The following CCNT1 variants were observed in gnomAD, a reference collection of about 807,000 sequenced individuals.
CCNT1 encodes the protein cyclin T1.
CCNT1 carries 18 observed loss-of-function variants against 67.3 expected under a neutral mutation model. That is an observed-to-expected ratio of 0.27 (90% CI 0.18 to 0.40). The LOEUF is 0.40. Among genes scored for constraint, CCNT1 ranks in the 10% least tolerant of loss-of-function variants. CCNT1 has a pLI of 1.00. For synonymous variants in CCNT1, 333 were observed against 310.3 expected (o/e 1.07, Z -0.77); for missense variants, 744 against 884.9 (o/e 0.84, Z 2.02).
chr12:48,711,629 T>C (rs564692415), intron 2 of CCNT1, among the ~76,000 whole-genome samples: 31 of 152,254 alleles, frequency 2.0e-4, no homozygotes, highest in Middle Eastern at 3.4e-3. Context: ...CCTTCTATTC[T>C]GGTGCTATCA....
chr12:48,696,900 T>A (rs1940176513), intron 6 of CCNT1, among the ~76,000 whole-genome samples: 1 of 152,138 alleles, frequency 6.6e-6, no homozygotes, highest in Non-Finnish European at 1.5e-5. Flanking sequence ...TGGGGCAATC[T>A]CGGCTCACAG....
chr12:48,700,633 T>C (rs1007075800), intron 4 of CCNT1, among the ~76,000 whole-genome samples: 1 of 152,224 alleles, frequency 6.6e-6, no homozygotes, highest in Non-Finnish European at 1.5e-5. Context: ...CCACTTTCAC[T>C]CTGCTGTTCT....
chr12:48,691,759 C>G lies in CCNT1; in HGVS notation c.*1274G>C, dbSNP rs1336094920. 6.6e-6 allele frequency: 1 copy of G among 152,174 alleles called. No individual in the cohort carries two copies. The highest frequency in any genetic ancestry group is 1.5e-5 in the Non-Finnish European group (1 of 68,030). The allele number at this position is 152,174 out of a possible 1,614,324, so 9.4% of individuals were successfully genotyped here. ...ACCAGTACTGTTAAATTCACAAGCT[C>G]CAATCTCAAGTCATATAGGCTGCAA... On this transcript the variant is annotated 3_prime_UTR_variant, in exon 9 of 9. Transcript: ENST00000261900.
chr12:48,702,474 T>G (rs1026830129), intron 3 of CCNT1, among the ~76,000 whole-genome samples: 80 of 152,274 alleles, frequency 5.3e-4, no homozygotes, highest in Admixed American at 5.1e-3. Context: ...ATACACTGGA[T>G]TTTTTAGACA....
At chr12:48,705,449 T>A (rs977020207) in intron 3 of CCNT1, among the ~76,000 whole-genome samples, 1 of 151,892 alleles carries the variant, frequency 6.6e-6, no homozygotes, top group African/African-American at 2.4e-5. Context: ...TTCTTTTTTT[T>A]AAATATAGAG....
At chr12:48,706,853 A>T (rs76146950) in intron 2 of CCNT1, among the ~76,000 whole-genome samples, 2,701 of 152,278 alleles carry the variant, frequency 0.018, 89 homozygotes, top group African/African-American at 0.062. Context: ...TTCTCCACAA[A>T]TTCAACTCAT....
In CCNT1 at chr12:48,701,010, T is replaced by C. The variant is rs1221708675; in HGVS notation, c.433+3A>G. ...AAAATGTTTCAAAGGAAAATAAACT[T>C]ACCTAAAGTCTGCAAAATTATGCTT... On this transcript the variant is annotated splice_donor_region_variant and intron_variant, in intron 4 of 8. Transcript: ENST00000261900. The C allele has an allele frequency of 6.5e-7, 1 of 1,531,358 alleles. No individual in the cohort carries two copies. Among genetic ancestry groups the C allele is most frequent in the Non-Finnish European group, 8.9e-7 (1 of 1,119,420 alleles). The allele number at this position is 1,531,358 out of a possible 1,614,324, so 94.9% of individuals were successfully genotyped here. A position where few individuals can be genotyped will look rare whatever the true frequency, so the allele number is the denominator to read the frequency against.
chr12:48,692,993 T>C lies in CCNT1; in HGVS notation c.*40A>G. Reference sequence around the variant, plus strand: ...AAAAAAAAAAAGAAAAATTATGTGTTTTTTTAAAGAAGTTTTTTTCTCCTC... The same window carrying C: ...AAAAAAAAAAAGAAAAATTATGTGTCTTTTTAAAGAAGTTTTTTTCTCCTC... On this transcript the variant is annotated 3_prime_UTR_variant, in exon 9 of 9. Coordinates refer to ENST00000261900, the MANE Select transcript of CCNT1 (RefSeq NM_001240.4). 1 of 1,349,728 alleles carries C rather than the reference T, an allele frequency of 7.4e-7. No homozygotes were observed. The highest frequency in any genetic ancestry group is 2.4e-4 in the Middle Eastern group (1 of 4,138). The allele number at this position is 1,349,728 out of a possible 1,614,324, so 83.6% of individuals were successfully genotyped here. A position where few individuals can be genotyped will look rare whatever the true frequency, so the allele number is the denominator to read the frequency against.
rs1053283303 is a variant in CCNT1, at chr12:48,690,245, A to G, written c.*2788T>C. The G allele has an allele frequency of 6.6e-6, 1 of 152,234 alleles. No individual in the cohort carries two copies. Among genetic ancestry groups the G allele is most frequent in the African/African-American group, 2.4e-5 (1 of 41,458 alleles). The allele number at this position is 152,234 out of a possible 1,614,324, so 9.4% of individuals were successfully genotyped here. ...AAAATTTTAGGAATGAGATTTACAG[A>G]AGCTGAGGCTCCAGGCCTACTTATC... On this transcript the variant is annotated 3_prime_UTR_variant, in exon 9 of 9. Transcript: ENST00000261900.
chr12:48,696,629 C>G (rs1302472985), intron 6 of CCNT1, among the ~76,000 whole-genome samples: 1 of 152,134 alleles, frequency 6.6e-6, no homozygotes, highest in South Asian at 2.1e-4. Context: ...AATAATTTGT[C>G]TCTCACCAAT....
intron 8 of CCNT1, among the ~76,000 whole-genome samples, chr12:48,694,641 C>T (rs577434928): frequency 7.9e-5 from 12 of 152,254 alleles, no homozygotes; most frequent in African/African-American, 2.6e-4. Flanking sequence ...TCTATCCAAA[C>T]GTTACAAAGC....
chr12:48,694,358 T>A lies in CCNT1; in HGVS notation c.856A>T (p.Met286Leu). 1 of 1,614,214 alleles carries A rather than the reference T, an allele frequency of 6.2e-7. No individual in the cohort carries two copies. The highest frequency in any genetic ancestry group is 8.5e-7 in the Non-Finnish European group (1 of 1,180,022). The change falls in exon 9 of 9, where the codon ATG (methionine) becomes TTG (leucine). Residue 286 changes from methionine to leucine, a missense_variant. Coordinates refer to ENST00000261900, the MANE Select transcript of CCNT1 (RefSeq NM_001240.4). The part of the protein sequence containing the change: ...EKTSEQTILN[M>L]ISQSSSDTTI... ...GTGTCTGAAGAGCTCTGGGAAATCA[T>A]ATTGAGGATTGTCTGCTCTGAAGTC...
At position 48,693,921 on chromosome 12, in the gene CCNT1, G is replaced by A. The variant is rs775289744; in HGVS notation, c.1293C>T (p.Ser431=). ...GCATTTTTAGAATGACTGAAGAATG[G>A]CTATCATGATGAGAAAGGAGATTCT... The part of the protein sequence containing the change: ...AAQNLLSHHD[S]HSSVILKMPI... Residue 431 remains serine (S), a synonymous_variant, in exon 9 of 9, where the codon AGC becomes AGT. Coordinates refer to ENST00000261900, the MANE Select transcript of CCNT1 (RefSeq NM_001240.4). The A allele has an allele frequency of 3.1e-6, 5 of 1,614,064 alleles. No individual in the cohort carries two copies. In the Admixed American group the frequency reaches 6.7e-5, roughly 22 times the overall value.
At position 48,708,427 on chromosome 12, in the gene CCNT1, G is replaced by A. The variant is rs144062396; in HGVS notation, c.244-2531C>T. Among the ~76,000 whole-genome samples the A allele has an allele frequency of 6.9e-3, 1,044 of 151,960 alleles. 11 individuals are homozygous for A. Among genetic ancestry groups the A allele is most frequent in the African/African-American group, 0.023 (962 of 41,476 alleles). On this transcript the variant is annotated intron_variant, in intron 2 of 8. Transcript: ENST00000261900. ...CCAGGAGTGGTGGCACACGCCTTTGGTCCCAGCTACTTGGGAGGCTGAGGC... is the reference window on the plus strand; with the variant it reads ...CCAGGAGTGGTGGCACACGCCTTTGATCCCAGCTACTTGGGAGGCTGAGGC...
intron 3 of CCNT1, 29 bp from the exon 4 acceptor site, chr12:48,701,102 C>T (rs775342806): frequency 2.9e-5 from 39 of 1,355,650 alleles, no homozygotes; most frequent in Non-Finnish European, 1.0e-6. Context: ...AAATTATTCC[C>T]TACAAAGGCA....
At position 48,695,674 on chromosome 12, in the gene CCNT1, G is replaced by C; in HGVS notation, c.777+85C>G. ...TATAAAAAGGGCAATTCCAAACCTA[G>C]GGTACATATTCAATACTGGTATATT... On this transcript the variant is annotated intron_variant, in intron 8 of 8. Transcript: ENST00000261900. 7 of 858,512 alleles carry C rather than the reference G, an allele frequency of 8.2e-6. No individual in the cohort carries two copies. In the South Asian group the frequency reaches 1.0e-4, roughly 13 times the overall value. 53.2% of individuals were successfully genotyped at this position (858,512 alleles called of 1,614,324 possible).
chr12:48,692,312 T>C lies in CCNT1; in HGVS notation c.*721A>G, dbSNP rs530903602. The C allele has an allele frequency of 6.6e-6, 1 of 152,208 alleles. No individual in the cohort carries two copies. Among genetic ancestry groups the C allele is most frequent in the South Asian group, 2.1e-4 (1 of 4,822 alleles). 9.4% of individuals were successfully genotyped at this position (152,208 alleles called of 1,614,324 possible). A position where few individuals can be genotyped will look rare whatever the true frequency, so the allele number is the denominator to read the frequency against. On this transcript the variant is annotated 3_prime_UTR_variant, in exon 9 of 9. Transcript: ENST00000261900. ...TTTTCTCTAGTAGACTGTTGGAAAA[T>C]GAAAACGGTAAGGAACAGGGAGGGA...
Position 48,689,655 on chromosome 12 carries a change from CAT to C in CCNT1, c.*3376_*3377del, listed in dbSNP as rs1344184224. On this transcript the variant is annotated 3_prime_UTR_variant, in exon 9 of 9. Transcript: ENST00000261900. ...CTCTTTTCTTAGTATCAAAATAACT[CAT>C]AAACAAAAAAAATTGTAAATATTAA... is the stretch of plus-strand genomic sequence containing the variant. 1 of 152,098 alleles carries C rather than the reference CAT, an allele frequency of 6.6e-6. No homozygotes were observed. Among genetic ancestry groups the C allele is most frequent in the Non-Finnish European group, 1.5e-5 (1 of 68,016 alleles). 9.4% of individuals were successfully genotyped at this position (152,098 alleles called of 1,614,324 possible). A position where few individuals can be genotyped will look rare whatever the true frequency, so the allele number is the denominator to read the frequency against.
rs1940132308 is a variant in CCNT1 at position 48,694,164 on chromosome 12, C to A, written c.1050G>T (p.Arg350=). 7.4e-6 allele frequency: 12 copies of A among 1,614,094 alleles called. No individual in the cohort carries two copies. The highest frequency in any genetic ancestry group is 2.7e-5 in the African/African-American group (2 of 74,926). The change falls in exon 9 of 9, where the codon CGG becomes CGT. Residue 350 remains arginine, a synonymous_variant. Transcript: ENST00000261900. ...SFKLEPTQGH[R]TSENLALTGV... ...CTGTAAGTGCTAAATTCTCACTAGTCCGATGACCCTGAGTAGGTTCTAGTT... is the reference window on the plus strand; with the variant it reads ...CTGTAAGTGCTAAATTCTCACTAGTACGATGACCCTGAGTAGGTTCTAGTT...
Sources: gnomAD v4.1 joint callset for allele counts (sites outside exome capture counted in the v4.1 genomes callset) on GRCh38, gnomAD v4.1.1 for gene constraint, MANE v1.5 for transcripts, NCBI Gene and HGNC (gene_info 2026-07-23, HGNC 2026-07-21) for gene names.